Variants in ZNF624 observed in about 807,000 individuals in gnomAD.
ZNF624 encodes the protein zinc finger protein 624.
A neutral mutation model predicts 74.7 loss-of-function variants in ZNF624; 43 were observed. The ratio of observed to expected loss-of-function variants is 0.58; its 90% CI spans 0.45 to 0.74. ZNF624 has a LOEUF of 0.74. ZNF624 is among the 30% of genes least tolerant of loss of function. ZNF624 has a pLI of 0.00. For missense variants in ZNF624, 820 were observed against 1,030.0 expected, an observed-to-expected ratio of 0.80 and a Z score of 2.79; for synonymous variants, 331 against 341.3, an observed-to-expected ratio of 0.97 and a Z score of 0.33.
intron 3 of ZNF624, among the ~76,000 whole-genome samples, chr17:16,635,879 G>GAAA (rs113444286): frequency 2.6e-5 from 3 of 116,140 alleles, no homozygotes; most frequent in Non-Finnish European, 3.8e-5. Flanking sequence ...CATTTTAAGA[G>GAAA]AAAAAAAAAA....
At chr17:16,650,072 C>T (rs930058513) in intron 1 of ZNF624, among the ~76,000 whole-genome samples, 11 of 152,086 alleles carry the variant, frequency 7.2e-5, no homozygotes, top group Admixed American at 2.0e-4. Context: ...TACCCAAGGC[C>T]ATGCAGATAC....
rs372696542 is a variant in ZNF624, at chr17:16,629,990, T to C, written c.376+3872A>G. Among the ~76,000 whole-genome samples the C allele has an allele frequency of 2.4e-3, 372 of 152,366 alleles. 2 individuals are homozygous for C. Among genetic ancestry groups the C allele is most frequent in the Middle Eastern group, 0.017 (5 of 294 alleles). On this transcript the variant is annotated intron_variant, in intron 5 of 5. Transcript: ENST00000311331. ...GCACAACCACATTACTTGGTTAATA[T>C]GTTGCCTATGGATTCCTTGGTGCTA... is the stretch of plus-strand genomic sequence containing the variant.
intron 5 of ZNF624, chr17:16,631,386 A>C (rs1243588304): frequency 6.6e-6 from 1 of 152,210 alleles, no homozygotes; most frequent in Non-Finnish European, 1.5e-5. Context: ...GAAAGTAATA[A>C]AACTCAAACA....
intron 5 of ZNF624, among the ~76,000 whole-genome samples, chr17:16,625,435 G>A (rs981250603): frequency 1.3e-5 from 2 of 152,178 alleles, no homozygotes; most frequent in African/African-American, 4.8e-5. Context: ...ACCCACCTCA[G>A]CCTCCCAAAG....
intron 5 of ZNF624, among the ~76,000 whole-genome samples, chr17:16,624,981 G>A (rs1359822199): frequency 2.0e-5 from 3 of 147,370 alleles, no homozygotes; most frequent in Non-Finnish European, 4.5e-5. Context: ...AGGTTGCAGT[G>A]AGCCAAGATT....
At position 16,623,508 on chromosome 17, in the gene ZNF624, T is replaced by A; in HGVS notation, c.1378A>T (p.Asn460Tyr). 4.3e-6 allele frequency: 7 copies of A among 1,610,066 alleles called. No homozygotes were observed. The highest frequency in any genetic ancestry group is 5.9e-6 in the Non-Finnish European group (7 of 1,178,844). The part of the protein sequence containing the change: ...GKSFKNTTIF[N>Y]VHQRIHTGEK... ...CCAGTATGAATCCTCTGATGCACAT[T>A]AAAAATTGTGGTATTCTTAAAAGAC... The change falls in exon 6 of 6, where the codon AAT becomes TAT. Residue 460 changes from asparagine (N) to tyrosine (Y), a missense_variant. Physicochemically the swap from Asn to Tyr is moderately radical, Grantham distance 143. Transcript: ENST00000311331. The surrounding 1 kb of genome is among the most constrained non-coding windows in gnomAD (Gnocchi z 5.3).
At chr17:16,634,079 T>C (rs1007666944) in intron 4 of ZNF624, 122 bp from the exon 5 acceptor site, 4 of 609,302 alleles carry the variant, frequency 6.6e-6, no homozygotes, top group Admixed American at 6.0e-5. Flanking sequence ...AGAGCTGCAC[T>C]GTCTGATACA....
In ZNF624 at chr17:16,623,116, C is replaced by T. The variant is rs757879250; in HGVS notation, c.1770G>A (p.Gly590=). Reference sequence around the variant, plus strand: ...AGTGTGATTTTATTCTGAAAGACTCCCCACATTCATTGCACAGATAAGGTT... The same window carrying T: ...AGTGTGATTTTATTCTGAAAGACTCTCCACATTCATTGCACAGATAAGGTT... ...EEKPYLCNEC[G]ESFRIKSHLT... Residue 590 remains glycine (G), a synonymous_variant, in exon 6 of 6, where the codon GGG becomes GGA. Transcript: ENST00000311331. This position sits in a 1 kb window ranked among gnomAD's most constrained non-coding sequence, Gnocchi z 5.3. 4 of 1,613,778 alleles carry T rather than the reference C, an allele frequency of 2.5e-6. No homozygotes were observed. Among genetic ancestry groups the T allele is most frequent in the South Asian group, 1.1e-5 (1 of 91,060 alleles).
At chr17:16,644,635 C>A (rs1473682657) in intron 3 of ZNF624, among the ~76,000 whole-genome samples, 1 of 152,150 alleles carries the variant, frequency 6.6e-6, no homozygotes, top group African/African-American at 2.4e-5. Flanking sequence ...GTAAAAGTTT[C>A]TTTTTGATAG....
chr17:16,634,049 T>C, intron 4 of ZNF624, 92 bp from the exon 5 acceptor site: 1 of 992,742 alleles, frequency 1.0e-6, no homozygotes, highest in East Asian at 2.5e-5. Flanking sequence ...CTGGGCAGAA[T>C]GACCATTACA....
At chr17:16,644,982 C>A (rs535474798) in intron 3 of ZNF624, among the ~76,000 whole-genome samples, 1 of 152,306 alleles carries the variant, frequency 6.6e-6, no homozygotes, top group East Asian at 1.9e-4. Flanking sequence ...CTGAATATGT[C>A]ATTTTACATT....
At chr17:16,627,393 C>T (rs1909098613) in intron 5 of ZNF624, among the ~76,000 whole-genome samples, 1 of 152,196 alleles carries the variant, frequency 6.6e-6, no homozygotes, top group South Asian at 2.1e-4. Flanking sequence ...GAGGTCTGCA[C>T]TTTGGGGATG....
the ZNF624 span, among the ~76,000 whole-genome samples, chr17:16,615,639 T>A: frequency 1.3e-5 from 2 of 151,976 alleles, no homozygotes; most frequent in Non-Finnish European, 2.9e-5. Context: ...ATAACAAACC[T>A]CAGAAAAGTA....
In ZNF624 at chr17:16,634,591, T is replaced by C. The variant is rs760487099; in HGVS notation, c.280+39A>G. The C allele has an allele frequency of 3.1e-6, 5 of 1,588,166 alleles. No homozygotes were observed. In the Admixed American group the frequency reaches 9.2e-5, roughly 29 times the overall value. On this transcript the variant is annotated intron_variant, in intron 4 of 5. Coordinates refer to ENST00000311331, the MANE Select transcript of ZNF624 (RefSeq NM_020787.4). ...TTTATCTTTGGCAAACCTGGTCAAA[T>C]GGGCAGATCAATCAACACAGAAGAG...
At chr17:16,639,646 C>A (rs1273413112) in intron 3 of ZNF624, among the ~76,000 whole-genome samples, 2 of 152,144 alleles carry the variant, frequency 1.3e-5, no homozygotes, top group Non-Finnish European at 2.9e-5. Flanking sequence ...TCGCTGAAGA[C>A]TTACTGGTTT....
chr17:16,621,500 A>C lies in ZNF624; in HGVS notation c.*788T>G, dbSNP rs981917907. ...TGGACTGCTGGTGGAAGTATGTTACACAACCTTTAAGTAATAGTACATGGT... is the reference window on the plus strand; with the variant it reads ...TGGACTGCTGGTGGAAGTATGTTACCCAACCTTTAAGTAATAGTACATGGT... On this transcript the variant is annotated 3_prime_UTR_variant, in exon 6 of 6. Coordinates refer to ENST00000311331, the MANE Select transcript of ZNF624 (RefSeq NM_020787.4). The C allele has an allele frequency of 6.6e-6, 1 of 152,262 alleles. No homozygotes were observed. Among genetic ancestry groups the C allele is most frequent in the East Asian group, 1.9e-4 (1 of 5,204 alleles). 9.4% of individuals were successfully genotyped at this position (152,262 alleles called of 1,614,324 possible). A position where few individuals can be genotyped will look rare whatever the true frequency, so the allele number is the denominator to read the frequency against.
intron 5 of ZNF624, among the ~76,000 whole-genome samples, chr17:16,627,371 T>G (rs1389119862): frequency 6.6e-6 from 1 of 152,202 alleles, no homozygotes; most frequent in Non-Finnish European, 1.5e-5. Context: ...GAATAAAAAC[T>G]TTTATATTTG....
At position 16,623,717 on chromosome 17, in the gene ZNF624, C is replaced by CA; in HGVS notation, c.1168dup (p.Cys390LeufsTer2). 6.2e-7 allele frequency: 1 copy of CA among 1,612,936 alleles called. No individual in the cohort carries two copies. Among genetic ancestry groups the CA allele is most frequent in the Non-Finnish European group, 8.5e-7 (1 of 1,179,738 alleles). ...ACTAAAAGCTTTCCCGCATTCACTA[C>CA]ATTTATAGGGTTTCTCTCCAGTTTG... is the stretch of plus-strand genomic sequence containing the variant. On this transcript the variant is annotated frameshift_variant, in exon 6 of 6. Transcript: ENST00000311331. LOFTEE classifies it high-confidence loss of function. This position sits in a 1 kb window ranked among gnomAD's most constrained non-coding sequence, Gnocchi z 5.3.
chr17:16,616,550 A>AAAACAAAC (rs576047398), downstream of ZNF624, among the ~76,000 whole-genome samples: 1 of 151,892 alleles, frequency 6.6e-6, no homozygotes, highest in African/African-American at 2.4e-5. Context: ...TGAAATACTT[A>AAAACAAAC]AAACAAACAA....
Sources: gnomAD v4.1 joint callset for allele counts (sites outside exome capture counted in the v4.1 genomes callset) on GRCh38, gnomAD v4.1.1 for gene constraint, Gnocchi (gnomAD v3.1) non-coding constraint, MANE v1.5 for transcripts, NCBI Gene and HGNC (gene_info 2026-07-23, HGNC 2026-07-21) for gene names.